LIMCH1: variants seen among roughly 807,000 people sequenced by gnomAD.
LIMCH1 encodes LIM and calponin homology domains 1, also known as LIM and calponin homology domains-containing protein 1.
In LIMCH1, 113 loss-of-function variants were observed where a neutral mutation model predicts 176.5. The ratio of observed to expected loss-of-function variants is 0.64; its 90% CI spans 0.55 to 0.75. The LOEUF (loss-of-function observed/expected upper bound fraction) is 0.75, where lower values mean the gene tolerates loss of function less well. Among genes scored for constraint, LIMCH1 ranks in the 30% least tolerant of loss-of-function variants. The pLI, the probability that LIMCH1 is intolerant of heterozygous loss-of-function variation, is 0.00. For synonymous variants in LIMCH1, 619 were observed against 645.9 expected (o/e 0.96, Z 0.63); for missense variants, 1,674 against 1,814.9 (o/e 0.92, Z 1.41).
chr4:41,593,959 G>T (rs1260825478), intron 1 of LIMCH1, among the ~76,000 whole-genome samples: 1 of 151,536 alleles, frequency 6.6e-6, no homozygotes, highest in Non-Finnish European at 1.5e-5. Context: ...CCCCACACGT[G>T]TGAACATATA....
intron 5 of LIMCH1, among the ~76,000 whole-genome samples, chr4:41,616,057 A>G (rs1288872913): frequency 6.6e-6 from 1 of 152,176 alleles, no homozygotes; most frequent in Non-Finnish European, 1.5e-5. Context: ...AATGGGCTTC[A>G]TTGAAGAGGA....
At chr4:41,625,853 G>T (rs967957908) in intron 7 of LIMCH1, among the ~76,000 whole-genome samples, 1 of 152,090 alleles carries the variant, frequency 6.6e-6, no homozygotes, top group Non-Finnish European at 1.5e-5. Flanking sequence ...TGCCCAAGTT[G>T]GGGGAGGTTG....
chr4:41,619,478 G>C (rs1271424992), intron 6 of LIMCH1, 38 bp downstream of exon 6: 3 of 1,599,232 alleles, frequency 1.9e-6, no homozygotes, highest in Non-Finnish European at 2.5e-6. Flanking sequence ...CCTGGCTTGG[G>C]CATGAGTGGT....
At chr4:41,430,172 A>C (rs2061468837) in intron 1 of LIMCH1, among the ~76,000 whole-genome samples, 1 of 152,212 alleles carries the variant, frequency 6.6e-6, no homozygotes, top group African/African-American at 2.4e-5. Context: ...GAGAAATTAT[A>C]TTTTTTGGGG....
chr4:41,670,097 C>G (rs1489701636), intron 21 of LIMCH1, among the ~76,000 whole-genome samples: 1 of 152,204 alleles, frequency 6.6e-6, no homozygotes, highest in Non-Finnish European at 1.5e-5. Flanking sequence ...TCTTAGCTGC[C>G]TCTCAGCAGC....
At chr4:41,638,861 C>A in intron 13 of LIMCH1, 71 bp from the exon 14 acceptor site, 1 of 1,302,704 alleles carries the variant, frequency 7.7e-7, no homozygotes. Context: ...CCGGCAGTTT[C>A]TATTTCCAGC....
chr4:41,470,761 G>T (rs923921760), intron 1 of LIMCH1, among the ~76,000 whole-genome samples: 2 of 151,728 alleles, frequency 1.3e-5, no homozygotes, highest in African/African-American at 4.8e-5. Flanking sequence ...CTGGCCCTAG[G>T]ATTCAGTCCT....
intron 1 of LIMCH1, among the ~76,000 whole-genome samples, chr4:41,390,543 A>G (rs959780074): frequency 1.3e-5 from 2 of 152,216 alleles, no homozygotes; most frequent in Non-Finnish European, 2.9e-5. Context: ...AGAAAAATAC[A>G]TGATGCCCAG....
intron 2 of LIMCH1, among the ~76,000 whole-genome samples, chr4:41,523,565 C>T (rs2076329154): frequency 1.3e-5 from 2 of 152,190 alleles, no homozygotes. Flanking sequence ...TAACATTCTA[C>T]ATTCTACAGC....
chr4:41,650,476 C>G lies in LIMCH1; in HGVS notation c.2904C>G (p.Ala968=), dbSNP rs1385090167. Reference sequence around the variant, plus strand: ...GAGAGTGTCCCACGGTGGCACCTGCCCACTCCTTAACCAAATCCCAGATGT... The same window carrying G: ...GAGAGTGTCCCACGGTGGCACCTGCGCACTCCTTAACCAAATCCCAGATGT... The part of the protein sequence containing the change: ...KERECPTVAP[A]HSLTKSQMFE... The change falls in exon 18 of 32, where the codon GCC becomes GCG. Residue 968 remains alanine, a synonymous_variant. Coordinates refer to ENST00000503057, the MANE Select transcript of LIMCH1 (RefSeq NM_001330672.2). 1 of 1,613,962 alleles carries G rather than the reference C, an allele frequency of 6.2e-7. No individual in the cohort carries two copies.
At chr4:41,597,463 A>G (rs1022461168) in intron 1 of LIMCH1, among the ~76,000 whole-genome samples, 6 of 152,206 alleles carry the variant, frequency 3.9e-5, no homozygotes, top group Non-Finnish European at 7.3e-5. Flanking sequence ...TTATTACTGC[A>G]TACAACCTAA....
intron 28 of LIMCH1, among the ~76,000 whole-genome samples, chr4:41,686,987 G>A (rs992335862): frequency 1.3e-5 from 2 of 152,134 alleles, no homozygotes; most frequent in African/African-American, 4.8e-5. Flanking sequence ...ATACTTTAGG[G>A]TGTTACATGA....
intron 1 of LIMCH1, among the ~76,000 whole-genome samples, chr4:41,475,741 A>G (rs1232206940): frequency 2.0e-5 from 3 of 152,138 alleles, no homozygotes; most frequent in African/African-American, 7.2e-5. Context: ...GAGGGAGAGC[A>G]TTAGGACAAA....
At chr4:41,361,930 G>C (rs2052145656) in intron 1 of LIMCH1, among the ~76,000 whole-genome samples, 1 of 152,160 alleles carries the variant, frequency 6.6e-6, no homozygotes, top group Non-Finnish European at 1.5e-5. Flanking sequence ...GTGACAAGCA[G>C]CCCTCTTTGC....
chr4:41,544,094 A>C (rs4429756), intron 1 of LIMCH1, among the ~76,000 whole-genome samples: 3 of 151,792 alleles, frequency 2.0e-5, no homozygotes, highest in Non-Finnish European at 2.9e-5. Context: ...CACCCCCACC[A>C]AGCCTTCTCA....
rs78445650 is a variant in LIMCH1 at position 41,467,679 on chromosome 4, C to T, written c.97-26857C>T. On this transcript the variant is annotated intron_variant, in intron 1 of 26. Coordinates refer to the LIMCH1 transcript ENST00000313860. ...GGGACACAGAGCCAAATCATATCCA[C>T]TGAGTATCTTTGATTTTGTCCTAAG... 1.7e-3 allele frequency among the ~76,000 whole-genome samples: 261 copies of T among 152,306 alleles called. 5 individuals carry two copies. In the East Asian group the frequency reaches 0.044, roughly 25 times the overall value.
intron 1 of LIMCH1, among the ~76,000 whole-genome samples, chr4:41,429,925 G>A (rs2061445824): frequency 6.6e-6 from 1 of 152,200 alleles, no homozygotes; most frequent in Non-Finnish European, 1.5e-5. Context: ...TGGCTTAGAA[G>A]TAATATTACT....
chr4:41,391,695 A>C (rs1341366902), intron 1 of LIMCH1, among the ~76,000 whole-genome samples: 1 of 152,184 alleles, frequency 6.6e-6, no homozygotes, highest in Non-Finnish European at 1.5e-5. Context: ...GACATTCTAC[A>C]AAGTATCCAA....
At chr4:41,682,675 C>CTTTTTTTTTTTT (rs200784058) in intron 26 of LIMCH1, among the ~76,000 whole-genome samples, 1 of 142,382 alleles carries the variant, frequency 7.0e-6, no homozygotes, top group African/African-American at 2.6e-5. Flanking sequence ...TTTTCTTCTT[C>CTTTTTTTTTTTT]TTCTTTTTTT....
Sources: gnomAD v4.1 joint callset for allele counts (sites outside exome capture counted in the v4.1 genomes callset) on GRCh38, gnomAD v4.1.1 for gene constraint, MANE v1.5 for transcripts, NCBI Gene and HGNC (gene_info 2026-07-23, HGNC 2026-07-21) for gene names.